Variants in TENM3 observed in about 807,000 individuals in gnomAD.
TENM3 encodes the protein teneurin transmembrane protein 3.
In TENM3, 63 loss-of-function variants were observed where a neutral mutation model predicts 255.1. The observed-to-expected ratio is 0.25, with a 90% CI of 0.20 to 0.30. The LOEUF is 0.30. Among genes scored for constraint, TENM3 ranks in the 10% least tolerant of loss-of-function variants. The probability of loss-of-function intolerance (pLI) is 1.00; values close to 1 mark genes in which losing one functional copy is unlikely to be tolerated. For synonymous variants in TENM3, 1,306 were observed against 1,322.3 expected, an observed-to-expected ratio of 0.99 and a Z score of 0.27; for missense variants, 2,929 against 3,461.1, an observed-to-expected ratio of 0.85 and a Z score of 3.86.
Position 182,457,558 on chromosome 4 carries a change from C to CTTTTTTTTT in TENM3, c.511+110638_511+110646dup, listed in dbSNP as rs768197836. Among the ~76,000 whole-genome samples, 49 of 115,186 alleles carry CTTTTTTTTT rather than the reference C, an allele frequency of 4.3e-4. 4 individuals are homozygous for CTTTTTTTTT. The highest frequency in any genetic ancestry group is 1.2e-3 in the East Asian group (4 of 3,320). 75.6% of individuals were successfully genotyped at this position (115,186 alleles called of 152,430 possible). ...ATGCAAATACCTAAATCATGTATAT[C>CTTTTTTTTT]TTTTTTTTTTTTTTTTTGAGGATAG... On this transcript the variant is annotated intron_variant, in intron 3 of 27. Transcript: ENST00000511685.
At chr4:181,950,719 A>T in the TENM3 span, among the ~76,000 whole-genome samples, 1 of 152,160 alleles carries the variant, frequency 6.6e-6, no homozygotes, top group Non-Finnish European at 1.5e-5. Flanking sequence ...ACATCTGAAA[A>T]ATTCTCCAAA....
the TENM3 span, among the ~76,000 whole-genome samples, chr4:181,851,611 C>A: frequency 6.6e-6 from 1 of 151,936 alleles, no homozygotes; most frequent in Non-Finnish European, 1.5e-5. Flanking sequence ...AACGCACACA[C>A]GCACGCACGC....
the TENM3 span, among the ~76,000 whole-genome samples, chr4:181,557,901 G>A: frequency 6.6e-6 from 1 of 152,212 alleles, no homozygotes; most frequent in East Asian, 1.9e-4. Context: ...TAGATTTCCA[G>A]AGGTAAAGAC....
the TENM3 span, among the ~76,000 whole-genome samples, chr4:181,782,958 T>C: frequency 1.8e-4 from 27 of 152,236 alleles, no homozygotes; most frequent in African/African-American, 6.5e-4. Context: ...TCCTGAGTTC[T>C]AGTTTGATTG....
chr4:182,250,914 A>G (rs1404423471), intron 1 of TENM3, among the ~76,000 whole-genome samples: 1 of 152,190 alleles, frequency 6.6e-6, no homozygotes, highest in Non-Finnish European at 1.5e-5. Flanking sequence ...ATGGTGCGGC[A>G]TTTCAGATGG....
intron 6 of TENM3, among the ~76,000 whole-genome samples, chr4:182,664,215 G>GTC (rs1387799178): frequency 6.6e-6 from 1 of 152,156 alleles, no homozygotes; most frequent in East Asian, 1.9e-4. Flanking sequence ...CTCACATCAT[G>GTC]TCTCTCTGTT....
At chr4:181,759,206 T>G in the TENM3 span, among the ~76,000 whole-genome samples, 1 of 151,832 alleles carries the variant, frequency 6.6e-6, no homozygotes, top group Non-Finnish European at 1.5e-5. Context: ...ATTAAAGAAA[T>G]GAGAAAATTA....
chr4:181,460,800 C>T, the TENM3 span, among the ~76,000 whole-genome samples: 1 of 150,910 alleles, frequency 6.6e-6, no homozygotes, highest in Non-Finnish European at 1.5e-5. Context: ...AGGTTCATTT[C>T]CTCCCTTCTT....
At chr4:182,714,753 C>A (rs1019217393) in intron 13 of TENM3, among the ~76,000 whole-genome samples, 3 of 152,110 alleles carry the variant, frequency 2.0e-5, no homozygotes, top group Non-Finnish European at 4.4e-5. Context: ...CAGTTGAAGC[C>A]CTTGGTTAAG....
chr4:181,904,685 A>G, the TENM3 span, among the ~76,000 whole-genome samples: 1 of 152,092 alleles, frequency 6.6e-6, no homozygotes, highest in East Asian at 1.9e-4. Context: ...CCTCCCTCAA[A>G]TGCTCCATGA....
intron 5 of TENM3, among the ~76,000 whole-genome samples, chr4:182,640,401 C>T (rs1752198618): frequency 6.6e-6 from 1 of 152,170 alleles, no homozygotes; most frequent in African/African-American, 2.4e-5. Flanking sequence ...TTGTTAACTA[C>T]ATTTCTAGTT....
At chr4:181,462,641 A>G in the TENM3 span, among the ~76,000 whole-genome samples, 1 of 152,014 alleles carries the variant, frequency 6.6e-6, no homozygotes, top group Admixed American at 6.6e-5. Context: ...CAGAAGTAGA[A>G]TTTTTTGTTT....
chr4:182,436,082 A>G (rs1318107674), intron 3 of TENM3, among the ~76,000 whole-genome samples: 2 of 151,994 alleles, frequency 1.3e-5, no homozygotes, highest in African/African-American at 4.8e-5. Context: ...TTTCTGTTTG[A>G]CTGTGAAGGT....
chr4:182,075,229 C>T, the TENM3 span, among the ~76,000 whole-genome samples: 18 of 129,052 alleles, frequency 1.4e-4, no homozygotes, highest in Admixed American at 5.0e-4. Flanking sequence ...GATGGAGTCT[C>T]GCTCTGCCGC....
intron 5 of TENM3, among the ~76,000 whole-genome samples, chr4:182,635,162 T>C (rs1189869936): frequency 1.3e-5 from 2 of 152,238 alleles, no homozygotes; most frequent in Non-Finnish European, 2.9e-5. Context: ...GAAAAAAATA[T>C]TATCAGACTA....
chr4:181,598,688 GA>G, the TENM3 span, among the ~76,000 whole-genome samples: 217 of 112,572 alleles, frequency 1.9e-3, no homozygotes, highest in African/African-American at 3.2e-3. Flanking sequence ...ACAAGCATAA[GA>G]AAAAAAAAAA....
At chr4:182,073,169 C>G in the TENM3 span, among the ~76,000 whole-genome samples, 1 of 152,158 alleles carries the variant, frequency 6.6e-6, no homozygotes, top group Admixed American at 6.5e-5. Flanking sequence ...AAGCAGGCAC[C>G]CTCTTCACAA....
At chr4:181,683,909 C>T in the TENM3 span, among the ~76,000 whole-genome samples, 1 of 152,158 alleles carries the variant, frequency 6.6e-6, no homozygotes, top group Non-Finnish European at 1.5e-5. Flanking sequence ...TTTCTTTAAG[C>T]TGAGGTTAAC....
At chr4:182,137,625 C>T in the TENM3 span, among the ~76,000 whole-genome samples, 1 of 152,142 alleles carries the variant, frequency 6.6e-6, no homozygotes, top group Non-Finnish European at 1.5e-5. Flanking sequence ...CTGCTGTGCT[C>T]CTGGCTGCAC....
Sources: gnomAD v4.1 joint callset for allele counts (sites outside exome capture counted in the v4.1 genomes callset) on GRCh38, gnomAD v4.1.1 for gene constraint, MANE v1.5 for transcripts, NCBI Gene and HGNC (gene_info 2026-07-23, HGNC 2026-07-21) for gene names.